The following ACOXL variants were observed in gnomAD, a reference collection of about 807,000 sequenced individuals.
The protein encoded by ACOXL is acyl-CoA oxidase like, also known as acyl-coenzyme A oxidase-like protein.
Under a neutral mutation model 71.9 loss-of-function variants are expected in ACOXL, and 70 were observed. That is an observed-to-expected ratio of 0.97 (90% CI 0.80 to 1.19). The LOEUF (loss-of-function observed/expected upper bound fraction) is 1.19, where lower values mean the gene tolerates loss of function less well. ACOXL is among the 50% of genes most tolerant of loss of function. The pLI, the probability that ACOXL is intolerant of heterozygous loss-of-function variation, is 0.00. For missense variants in ACOXL, 703 were observed against 736.3 expected (o/e 0.95, Z 0.52); for synonymous variants, 253 against 281.6 (o/e 0.90, Z 1.02).
At chr2:110,864,639 T>G (rs1191978620) in intron 10 of ACOXL, among the ~76,000 whole-genome samples, 3 of 152,266 alleles carry the variant, frequency 2.0e-5, no homozygotes, top group Admixed American at 2.0e-4. Flanking sequence ...CTCCCTCATT[T>G]TAGCCATGAC....
intron 12 of ACOXL, among the ~76,000 whole-genome samples, chr2:110,985,965 CTG>C (rs2149545590): frequency 6.6e-6 from 1 of 152,264 alleles, no homozygotes; most frequent in East Asian, 1.9e-4. Context: ...TTAAGAGCCT[CTG>C]TATCAATCAA....
intron 11 of ACOXL, among the ~76,000 whole-genome samples, chr2:110,928,051 A>G (rs2060344081): frequency 2.6e-5 from 4 of 152,316 alleles, no homozygotes; most frequent in African/African-American, 9.6e-5. Flanking sequence ...TCTCCTCTTT[A>G]TTCCAGGCGA....
intron 3 of ACOXL, among the ~76,000 whole-genome samples, chr2:110,789,497 A>G (rs1174049509): frequency 6.6e-6 from 1 of 152,176 alleles, no homozygotes; most frequent in African/African-American, 2.4e-5. Flanking sequence ...TGGTGCCAGC[A>G]TGGTCAGGTT....
intron 12 of ACOXL, among the ~76,000 whole-genome samples, chr2:110,957,125 T>C (rs1215681422): frequency 6.6e-6 from 1 of 152,160 alleles, no homozygotes; most frequent in Admixed American, 6.5e-5. Context: ...TACTCACTTT[T>C]TTTTTTCGGA....
chr2:110,856,220 C>T (rs567298991), intron 10 of ACOXL, among the ~76,000 whole-genome samples: 1 of 152,296 alleles, frequency 6.6e-6, no homozygotes, highest in East Asian at 1.9e-4. Flanking sequence ...AGTCCCCACT[C>T]GACCCAGGAA....
chr2:110,760,749 T>G (rs1680299653), intron 1 of ACOXL, among the ~76,000 whole-genome samples: 1 of 152,228 alleles, frequency 6.6e-6, no homozygotes, highest in Admixed American at 6.5e-5. Flanking sequence ...TTAGCTTCAC[T>G]CAGGGATATT....
At chr2:110,739,383 C>G (rs1360704988) in intron 1 of ACOXL, among the ~76,000 whole-genome samples, 1 of 152,216 alleles carries the variant, frequency 6.6e-6, no homozygotes, top group Non-Finnish European at 1.5e-5. Flanking sequence ...CTTGGAGGCC[C>G]CAGGCTCTCC....
chr2:110,977,787 A>G (rs1428923932), intron 12 of ACOXL, among the ~76,000 whole-genome samples: 1 of 152,186 alleles, frequency 6.6e-6, no homozygotes, highest in Non-Finnish European at 1.5e-5. Context: ...TAGTTTTTCA[A>G]ATTGGGGACT....
chr2:111,018,928 T>G (rs950254926), intron 14 of ACOXL, among the ~76,000 whole-genome samples: 3 of 152,130 alleles, frequency 2.0e-5, no homozygotes, highest in African/African-American at 7.2e-5. Context: ...ACCCATCACC[T>G]CCCACTCACA....
intron 17 of ACOXL, among the ~76,000 whole-genome samples, chr2:111,102,866 C>A (rs1215782351): frequency 6.6e-6 from 1 of 152,082 alleles, no homozygotes; most frequent in Non-Finnish European, 1.5e-5. Flanking sequence ...AGTTGCTTTT[C>A]TTTTTTCTGA....
chr2:111,001,437 T>C (rs139063267), intron 14 of ACOXL, among the ~76,000 whole-genome samples: 1 of 149,632 alleles, frequency 6.7e-6, no homozygotes, highest in Admixed American at 6.7e-5. Context: ...TATAAACAAG[T>C]GCTCCTTTCA....
At chr2:110,867,309 C>G (rs983678533) in intron 10 of ACOXL, among the ~76,000 whole-genome samples, 1 of 152,018 alleles carries the variant, frequency 6.6e-6, no homozygotes, top group African/African-American at 2.4e-5. Flanking sequence ...GAGGAAGAGG[C>G]CTGGGGGTGT....
intron 2 of ACOXL, among the ~76,000 whole-genome samples, chr2:110,781,673 A>G (rs934063664): frequency 2.6e-5 from 4 of 151,328 alleles, no homozygotes; most frequent in Non-Finnish European, 4.4e-5. Flanking sequence ...AAATATAAAA[A>G]AAGAAAAAAA....
intron 12 of ACOXL, among the ~76,000 whole-genome samples, chr2:110,977,073 A>G (rs963021602): frequency 1.3e-5 from 2 of 152,164 alleles, no homozygotes; most frequent in Non-Finnish European, 2.9e-5. Flanking sequence ...GAGATCAAGT[A>G]TATTTAAAAC....
At chr2:110,841,123 C>T (rs1478496109) in intron 9 of ACOXL, among the ~76,000 whole-genome samples, 1 of 152,234 alleles carries the variant, frequency 6.6e-6, no homozygotes, top group Non-Finnish European at 1.5e-5. Flanking sequence ...TATTGAGAGA[C>T]ACCTCCTGTC....
intron 16 of ACOXL, among the ~76,000 whole-genome samples, chr2:111,069,369 C>A (rs1475495929): frequency 6.6e-6 from 1 of 152,120 alleles, no homozygotes; most frequent in Non-Finnish European, 1.5e-5. Context: ...CCAGGCTGGT[C>A]TTGAACTCCT....
intron 12 of ACOXL, among the ~76,000 whole-genome samples, chr2:110,960,465 C>G (rs1377557385): frequency 6.6e-6 from 1 of 152,252 alleles, no homozygotes; most frequent in Admixed American, 6.5e-5. Flanking sequence ...CCTCCTCTCA[C>G]AACATTCCTT....
Position 111,029,166 on chromosome 2 carries a change from A to G in ACOXL, c.1282-2461A>G, listed in dbSNP as rs183784748. Among the ~76,000 whole-genome samples the G allele has an allele frequency of 3.2e-4, 48 of 152,378 alleles. 1 individual carries two copies. Among genetic ancestry groups the G allele is most frequent in the Admixed American group, 9.8e-4 (15 of 15,306 alleles). ...CATTTTTAAGAAGGACTTAGTTGGCATAAGACTGTATTTACACATAGGTTT... is the reference window on the plus strand; with the variant it reads ...CATTTTTAAGAAGGACTTAGTTGGCGTAAGACTGTATTTACACATAGGTTT... On this transcript the variant is annotated intron_variant, in intron 14 of 17. Coordinates refer to ENST00000439055, the MANE Select transcript of ACOXL (RefSeq NM_001142807.4).
At chr2:110,988,856 A>AT (rs1345053329) in intron 13 of ACOXL, among the ~76,000 whole-genome samples, 3 of 46,854 alleles carry the variant, frequency 6.4e-5, no homozygotes, top group East Asian at 1.7e-3. Context: ...GCCTATTTTT[A>AT]TTGTGTGTGT....
Sources: gnomAD v4.1 joint callset for allele counts (sites outside exome capture counted in the v4.1 genomes callset) on GRCh38, gnomAD v4.1.1 for gene constraint, MANE v1.5 for transcripts, NCBI Gene and HGNC (gene_info 2026-07-23, HGNC 2026-07-21) for gene names.